The following ASIC2 variants were observed in gnomAD, a reference collection of about 807,000 sequenced individuals.
The protein encoded by ASIC2 is acid-sensing ion channel 2.
In ASIC2, 25 loss-of-function variants were observed where a neutral mutation model predicts 57.3. That is an observed-to-expected ratio of 0.44 (90% confidence interval 0.32 to 0.61). ASIC2 has a LOEUF of 0.61. Among genes scored for constraint, ASIC2 ranks in the 20% least tolerant of loss-of-function variants. The pLI is 0.06. For synonymous variants in ASIC2, 319 were observed against 307.5 expected (o/e 1.04, Z -0.39); for missense variants, 641 against 738.1 (o/e 0.87, Z 1.52).
In ASIC2 at chr17:33,144,168, A is replaced by C. The variant is rs962685723; in HGVS notation, c.709-32101T>G. Among the ~76,000 whole-genome samples, 563 of 151,672 alleles carry C rather than the reference A, an allele frequency of 3.7e-3. 2 individuals carry two copies. The highest frequency in any genetic ancestry group is 0.02 in the Middle Eastern group (6 of 294). ...AAAAAACAAACAAACAAAAAAAAAA[A>C]CGAAAAACAAAAACAAAAACAAAAA... is the stretch of plus-strand genomic sequence containing the variant. On this transcript the variant is annotated intron_variant, in intron 1 of 9. Transcript: ENST00000225823.
chr17:33,553,103 G>A (rs1287410796), intron 1 of ASIC2, among the ~76,000 whole-genome samples: 2 of 152,126 alleles, frequency 1.3e-5, no homozygotes, highest in African/African-American at 4.8e-5. Flanking sequence ...CCCCTACCCT[G>A]GAGTGGCAGA....
chr17:33,865,573 TC>T (rs1400275665), intron 1 of ASIC2, among the ~76,000 whole-genome samples: 5 of 152,124 alleles, frequency 3.3e-5, no homozygotes, highest in African/African-American at 4.8e-5. Flanking sequence ...CTGCTTTCTT[TC>T]CTCTAATCTA....
chr17:33,840,763 A>C (rs971328033), intron 1 of ASIC2, among the ~76,000 whole-genome samples: 24 of 145,594 alleles, frequency 1.6e-4, no homozygotes, highest in Non-Finnish European at 3.6e-4. Flanking sequence ...ATTAATTCAA[A>C]TCAAGGTAGG....
chr17:33,160,214 A>AAAAGAAAAG (rs1555575611), intron 1 of ASIC2, among the ~76,000 whole-genome samples: 5 of 93,504 alleles, frequency 5.3e-5, no homozygotes, highest in Admixed American at 1.9e-4. Flanking sequence ...GTTAAAAAAA[A>AAAAGAAAAG]AAAAGAAAAG....
At chr17:34,098,293 T>TA (rs1457731545) in intron 1 of ASIC2, among the ~76,000 whole-genome samples, 1 of 152,126 alleles carries the variant, frequency 6.6e-6, no homozygotes, top group Non-Finnish European at 1.5e-5. Context: ...CCTACTGACT[T>TA]AACAGCTTGC....
Position 33,291,895 on chromosome 17 carries a change from G to A in ASIC2, c.221C>T (p.Ala74Val). 6.2e-7 allele frequency: 1 copy of A among 1,600,828 alleles called. No individual in the cohort carries two copies. The highest frequency in any genetic ancestry group is 8.5e-7 in the Non-Finnish European group (1 of 1,177,738). The change falls in exon 1 of 10, where the codon GCC becomes GTC. Residue 74 changes from alanine to valine, a missense_variant. Coordinates refer to ENST00000225823, the MANE Select transcript of ASIC2 (RefSeq NM_183377.2). ...AKLHGLRHMCAGRTAAGGSFQ... is the reference protein window; with the variant it reads ...AKLHGLRHMCVGRTAAGGSFQ... ...GGAGCCCCCAGCCGCCGTGCGCCCG[G>A]CACACATGTGCCGCAGCCCGTGCAG...
chr17:33,508,175 C>T (rs1299757552), intron 1 of ASIC2, among the ~76,000 whole-genome samples: 1 of 151,980 alleles, frequency 6.6e-6, no homozygotes. Flanking sequence ...CCCTCCATGC[C>T]CCTCCTCCCT....
intron 1 of ASIC2, among the ~76,000 whole-genome samples, chr17:33,237,830 G>C (rs1908353453): frequency 6.6e-6 from 1 of 152,144 alleles, no homozygotes; most frequent in African/African-American, 2.4e-5. Context: ...GACATGGCTG[G>C]GGTAAGTCCA....
At chr17:34,099,040 T>C (rs549660059) in intron 1 of ASIC2, among the ~76,000 whole-genome samples, 63 of 149,846 alleles carry the variant, frequency 4.2e-4, no homozygotes, top group African/African-American at 1.5e-3. Flanking sequence ...GAGCAATAGA[T>C]TAGCCTGCTA....
At chr17:33,355,434 G>T (rs1399914768) in intron 1 of ASIC2, among the ~76,000 whole-genome samples, 1 of 151,352 alleles carries the variant, frequency 6.6e-6, no homozygotes, top group Admixed American at 6.6e-5. Flanking sequence ...GCAAAAAACA[G>T]TAAAGCAGTG....
intron 1 of ASIC2, among the ~76,000 whole-genome samples, chr17:33,434,350 G>A (rs1330006865): frequency 6.6e-6 from 1 of 151,924 alleles, no homozygotes; most frequent in African/African-American, 2.4e-5. Flanking sequence ...CATATAGAAA[G>A]AACACAAACA....
intron 1 of ASIC2, among the ~76,000 whole-genome samples, chr17:33,132,187 A>G (rs1189291771): frequency 6.6e-6 from 1 of 152,168 alleles, no homozygotes; most frequent in Admixed American, 6.5e-5. Flanking sequence ...TTTGGCACAC[A>G]TACTATGTGG....
At chr17:33,417,363 T>C (rs2141968952) in intron 1 of ASIC2, among the ~76,000 whole-genome samples, 1 of 152,292 alleles carries the variant, frequency 6.6e-6, no homozygotes, top group South Asian at 2.1e-4. Context: ...AGCAGATTAT[T>C]CCTTATATGG....
intron 1 of ASIC2, among the ~76,000 whole-genome samples, chr17:33,130,862 T>A (rs2092342992): frequency 6.6e-6 from 1 of 152,080 alleles, no homozygotes; most frequent in Non-Finnish European, 1.5e-5. Flanking sequence ...GGAATCCAAG[T>A]CAGAATGAGG....
intron 1 of ASIC2, among the ~76,000 whole-genome samples, chr17:33,218,031 T>A (rs1907559949): frequency 6.6e-6 from 1 of 152,252 alleles, no homozygotes; most frequent in African/African-American, 2.4e-5. Context: ...TATAGTAGTA[T>A]GGTAATTTCT....
intron 2 of ASIC2, among the ~76,000 whole-genome samples, chr17:33,099,785 A>C (rs2092203706): frequency 6.6e-6 from 1 of 152,218 alleles, no homozygotes; most frequent in African/African-American, 2.4e-5. Context: ...TTCCATTTGT[A>C]AAAATTCTGT....
intron 1 of ASIC2, among the ~76,000 whole-genome samples, chr17:33,488,697 A>G (rs1253923852): frequency 2.0e-5 from 3 of 152,134 alleles, no homozygotes; most frequent in Non-Finnish European, 4.4e-5. Flanking sequence ...ACCCTACCAC[A>G]TCCCTAAAAC....
intron 1 of ASIC2, among the ~76,000 whole-genome samples, chr17:33,628,207 T>A (rs555688399): frequency 6.6e-6 from 1 of 152,260 alleles, no homozygotes; most frequent in African/African-American, 2.4e-5. Context: ...CCTAGTCTGA[T>A]TCAGCTTCTG....
intron 1 of ASIC2, among the ~76,000 whole-genome samples, chr17:33,638,636 C>T (rs960708946): frequency 3.3e-5 from 5 of 152,024 alleles, no homozygotes; most frequent in Admixed American, 6.5e-5. Context: ...AATGTTGGGA[C>T]CTAGGACCTG....
Sources: allele counts gnomAD v4.1 joint callset (sites outside exome capture counted in the v4.1 genomes callset), GRCh38; gene constraint gnomAD v4.1.1; transcripts MANE v1.5; gene names NCBI Gene and HGNC (gene_info 2026-07-23, HGNC 2026-07-21).